The following RASGEF1C variants were observed in gnomAD, a reference collection of about 807,000 sequenced individuals.
RASGEF1C encodes the protein RasGEF domain family member 1C.
In RASGEF1C, 27 loss-of-function variants were observed where a neutral mutation model predicts 58.1. The observed-to-expected ratio is 0.46, with a 90% confidence interval of 0.34 to 0.64. The LOEUF is 0.64. Among genes scored for constraint, RASGEF1C ranks in the 30% least tolerant of loss-of-function variants. The pLI is 0.01. For missense variants in RASGEF1C, 502 were observed against 605.1 expected, an observed-to-expected ratio of 0.83 and a Z score of 1.79; for synonymous variants, 243 against 246.3, an observed-to-expected ratio of 0.99 and a Z score of 0.13.
chr5:180,131,370 T>TCCCCACTCCCC, intron 4 of RASGEF1C, among the ~76,000 whole-genome samples: 1 of 151,660 alleles, frequency 6.6e-6, no homozygotes, highest in African/African-American at 2.4e-5. Flanking sequence ...CCTCCCCATG[T>TCCCCACTCCCC]CCCCACTCCC....
intron 4 of RASGEF1C, among the ~76,000 whole-genome samples, chr5:180,136,110 C>T (rs1333269684): frequency 2.6e-5 from 4 of 152,212 alleles, no homozygotes. Context: ...ACAGCCTGGC[C>T]ACCTGGCCCC....
intron 1 of RASGEF1C, among the ~76,000 whole-genome samples, chr5:180,182,362 T>C (rs1466726139): frequency 4.0e-5 from 6 of 151,620 alleles, no homozygotes; most frequent in African/African-American, 1.2e-4. Context: ...TCACGGTGAG[T>C]GTTACAGCTC....
At chr5:180,108,402 C>T (rs529203619) in intron 12 of RASGEF1C, among the ~76,000 whole-genome samples, 8 of 151,838 alleles carry the variant, frequency 5.3e-5, no homozygotes, top group East Asian at 3.9e-4. Context: ...GGGGTTTCAC[C>T]GTGTTAGCCA....
At chr5:180,195,257 C>T (rs1004828019) in intron 1 of RASGEF1C, among the ~76,000 whole-genome samples, 46 of 152,262 alleles carry the variant, frequency 3.0e-4, no homozygotes, top group African/African-American at 1.1e-3. Flanking sequence ...AGCTCAGGGA[C>T]ACCTTGAGGG....
chr5:180,119,509 C>G (rs530648950), intron 7 of RASGEF1C, 61 bp from the exon 8 acceptor site: 1 of 1,309,716 alleles, frequency 7.6e-7, no homozygotes, highest in South Asian at 1.2e-5. Context: ...TGATCAGGCC[C>G]GCTCCCCTCA....
chr5:180,195,051 G>A (rs755786439), intron 1 of RASGEF1C, among the ~76,000 whole-genome samples: 5 of 152,248 alleles, frequency 3.3e-5, no homozygotes. Context: ...GCGGGGCCCA[G>A]TGCCTGCTGC....
At position 180,113,163 on chromosome 5, in the gene RASGEF1C, C is replaced by T. The variant is rs188431500; in HGVS notation, c.1179+1283G>A. Among the ~76,000 whole-genome samples the T allele has an allele frequency of 5.5e-4, 61 of 110,248 alleles. 5 individuals carry two copies. Among genetic ancestry groups the T allele is most frequent in the Non-Finnish European group, 1.0e-3 (52 of 51,768 alleles). The allele number at this position is 110,248 out of a possible 152,430, so 72.3% of individuals were successfully genotyped here. A position where few individuals can be genotyped will look rare whatever the true frequency, so the allele number is the denominator to read the frequency against. On this transcript the variant is annotated intron_variant, in intron 11 of 13. Transcript: ENST00000361132. ...GATGGATGGAGGGATCTGGGCTGGA[C>T]GGAGGGACCGGGGATGGACGGAGGG... is the stretch of plus-strand genomic sequence containing the variant.
chr5:180,202,077 A>C (rs1229469655), intron 1 of RASGEF1C, among the ~76,000 whole-genome samples: 3 of 152,222 alleles, frequency 2.0e-5, no homozygotes, highest in Non-Finnish European at 4.4e-5. Context: ...ATGTGAAATT[A>C]GAGTTGCCTG....
At chr5:180,108,168 T>A (rs1206947739) in intron 12 of RASGEF1C, among the ~76,000 whole-genome samples, 1 of 151,836 alleles carries the variant, frequency 6.6e-6, no homozygotes, top group Non-Finnish European at 1.5e-5. Context: ...ATCCCACAGG[T>A]CCCTGAAAAT....
intron 1 of RASGEF1C, among the ~76,000 whole-genome samples, chr5:180,173,410 G>T (rs1023599519): frequency 6.6e-6 from 1 of 152,188 alleles, no homozygotes; most frequent in African/African-American, 2.4e-5. Context: ...GCCATGAAGG[G>T]GACCCTGAGG....
At position 180,101,314 on chromosome 5, in the gene RASGEF1C, G is replaced by A; in HGVS notation, c.*187C>T. The A allele has an allele frequency of 3.1e-6, 2 of 636,210 alleles. No homozygotes were observed. Among genetic ancestry groups the A allele is most frequent in the South Asian group, 3.9e-5 (2 of 50,942 alleles). 39.4% of individuals were successfully genotyped at this position (636,210 alleles called of 1,614,324 possible). ...GGCCCTGGGTCCTGCCAGGGCCAAAGTCCCATAAAAGGTCTCCTGTGCCCG... is the reference window on the plus strand; with the variant it reads ...GGCCCTGGGTCCTGCCAGGGCCAAAATCCCATAAAAGGTCTCCTGTGCCCG... On this transcript the variant is annotated 3_prime_UTR_variant, in exon 14 of 14. Transcript: ENST00000361132.
intron 1 of RASGEF1C, among the ~76,000 whole-genome samples, chr5:180,208,777 C>A (rs1180058504): frequency 2.0e-5 from 3 of 151,960 alleles, no homozygotes; most frequent in Admixed American, 2.0e-4. Flanking sequence ...GCTGGCGGCG[C>A]GCGGCAGAGC....
chr5:180,194,296 G>C (rs1010139538), intron 1 of RASGEF1C, among the ~76,000 whole-genome samples: 1 of 152,210 alleles, frequency 6.6e-6, no homozygotes, highest in Non-Finnish European at 1.5e-5. Context: ...AAATTGGTTA[G>C]AGCGCAATAA....
Position 180,138,009 on chromosome 5 carries a change from C to A in RASGEF1C, c.44G>T (p.Ser15Ile). The A allele has an allele frequency of 6.4e-7, 1 of 1,560,106 alleles. No individual in the cohort carries two copies. Among genetic ancestry groups the A allele is most frequent in the Non-Finnish European group, 8.6e-7 (1 of 1,161,478 alleles). The change falls in exon 2 of 14, where the codon AGC (serine) becomes ATC (isoleucine). Residue 15 changes from serine to isoleucine, a missense_variant. By Grantham distance (142) the Ser-to-Ile change is moderately radical. Transcript: ENST00000361132. ...GGGCTCGGTGGGGGGTGGGCTGAGG[C>A]TGCCTGGGGTGACCATGTCGGAGGC... ...LSASDMVTPG[S>I]LSPPPTEPTD...
In RASGEF1C at chr5:180,102,162, G is replaced by A. The variant is rs999376196; in HGVS notation, c.1304-19C>T. ...TAAAGACCTAGACAGAAAATGAAGT[G>A]AAATTTCACAATTATGGTTGATGAT... On this transcript the variant is annotated intron_variant, in intron 12 of 13. Coordinates refer to ENST00000361132, the MANE Select transcript of RASGEF1C (RefSeq NM_175062.4). 1 of 1,430,494 alleles carries A rather than the reference G, an allele frequency of 7.0e-7. No homozygotes were observed. Among genetic ancestry groups the A allele is most frequent in the African/African-American group, 1.4e-5 (1 of 71,120 alleles). The allele number at this position is 1,430,494 out of a possible 1,614,324, so 88.6% of individuals were successfully genotyped here. A position where few individuals can be genotyped will look rare whatever the true frequency, so the allele number is the denominator to read the frequency against.
intron 6 of RASGEF1C, among the ~76,000 whole-genome samples, chr5:180,126,243 TA>T (rs1195662204): frequency 2.0e-5 from 3 of 151,970 alleles, no homozygotes; most frequent in Non-Finnish European, 4.4e-5. Flanking sequence ...CTGTCTCTAC[TA>T]AAAATACAAA....
chr5:180,176,822 C>T (rs982182528), intron 1 of RASGEF1C, among the ~76,000 whole-genome samples: 2 of 152,180 alleles, frequency 1.3e-5, no homozygotes, highest in African/African-American at 4.8e-5. Flanking sequence ...TCCCAAAGTG[C>T]TGGGATTACA....
At chr5:180,164,317 C>A (rs972284744) in intron 1 of RASGEF1C, among the ~76,000 whole-genome samples, 2 of 152,078 alleles carry the variant, frequency 1.3e-5, no homozygotes, top group East Asian at 3.8e-4. Context: ...TGTGAAATTT[C>A]AATGATTGAT....
chr5:180,138,853 G>C (rs912962723), intron 1 of RASGEF1C, among the ~76,000 whole-genome samples: 5 of 152,064 alleles, frequency 3.3e-5, no homozygotes, highest in Admixed American at 2.0e-4. Flanking sequence ...CTGCAGGAAG[G>C]CTCTCCCACC....
Sources: gnomAD v4.1 joint callset for allele counts (sites outside exome capture counted in the v4.1 genomes callset) on GRCh38, gnomAD v4.1.1 for gene constraint, MANE v1.5 for transcripts, NCBI Gene and HGNC (gene_info 2026-07-23, HGNC 2026-07-21) for gene names.